Variants in DRG1 observed in about 807,000 individuals in gnomAD.
DRG1 encodes the protein developmentally-regulated GTP-binding protein 1.
A neutral mutation model predicts 38.8 loss-of-function variants in DRG1; 19 were observed. That is an observed-to-expected ratio of 0.49 (90% CI 0.34 to 0.72). DRG1 has a LOEUF of 0.72. Among genes scored for constraint, DRG1 ranks in the 30% least tolerant of loss-of-function variants. DRG1 has a pLI of 0.01. For synonymous variants in DRG1, 167 were observed against 157.5 expected (o/e 1.06, Z -0.45); for missense variants, 299 against 444.8 (o/e 0.67, Z 2.95).
intron 4 of DRG1, among the ~76,000 whole-genome samples, chr22:31,414,826 C>G (rs1164347372): frequency 6.7e-6 from 1 of 149,820 alleles, no homozygotes; most frequent in Non-Finnish European, 1.5e-5. Flanking sequence ...CTTGCCCAGG[C>G]TGGAGTACAG....
intron 2 of DRG1, among the ~76,000 whole-genome samples, chr22:31,401,315 G>T (rs2049959703): frequency 6.6e-6 from 1 of 151,934 alleles, no homozygotes; most frequent in African/African-American, 2.4e-5. Flanking sequence ...GGGTGCGGTG[G>T]CTCACGCCTG....
intron 4 of DRG1, among the ~76,000 whole-genome samples, chr22:31,418,500 A>G (rs532550656): frequency 1.1e-4 from 16 of 151,604 alleles, no homozygotes; most frequent in Non-Finnish European, 1.8e-4. Context: ...TAGAAAGTTG[A>G]TGGAAGCAGA....
rs1352969755 is a variant in DRG1, at chr22:31,434,062, C to T, written c.*91C>T. The T allele has an allele frequency of 1.6e-6, 2 of 1,269,180 alleles. No homozygotes were observed. Among genetic ancestry groups the T allele is most frequent in the Non-Finnish European group, 2.2e-6 (2 of 894,886 alleles). 78.6% of individuals were successfully genotyped at this position (1,269,180 alleles called of 1,614,324 possible). ...CCCAGTTCTTTCTGGTTTTGGCAGTCACTGGATCAGGATCCAGGGGAGGGA... is the reference window on the plus strand; with the variant it reads ...CCCAGTTCTTTCTGGTTTTGGCAGTTACTGGATCAGGATCCAGGGGAGGGA... On this transcript the variant is annotated 3_prime_UTR_variant, in exon 9 of 9. Transcript: ENST00000331457.
intron 6 of DRG1, among the ~76,000 whole-genome samples, chr22:31,423,820 T>C (rs2050092384): frequency 1.3e-5 from 2 of 150,288 alleles, no homozygotes; most frequent in Non-Finnish European, 3.0e-5. Context: ...AGCCACTGTG[T>C]CCAGCCTGTG....
intron 8 of DRG1, among the ~76,000 whole-genome samples, chr22:31,431,627 C>A (rs2050140022): frequency 6.6e-6 from 1 of 152,092 alleles, no homozygotes; most frequent in African/African-American, 2.4e-5. Context: ...ATGATCATGC[C>A]CCCTGTACTC....
chr22:31,406,019 T>G (rs1736711698), intron 3 of DRG1, among the ~76,000 whole-genome samples: 2 of 151,088 alleles, frequency 1.3e-5, no homozygotes, highest in Admixed American at 6.6e-5. Context: ...TTTTTTTTTT[T>G]TTTGAGACGA....
chr22:31,430,445 G>C (rs551966213), intron 8 of DRG1, among the ~76,000 whole-genome samples: 10 of 151,022 alleles, frequency 6.6e-5, no homozygotes, highest in Admixed American at 1.3e-4. Flanking sequence ...TGTCGCCCAG[G>C]CTAGAGTGCA....
chr22:31,399,758 C>T (rs1312116625), intron 1 of DRG1, 33 bp downstream of exon 1: 1 of 1,613,828 alleles, frequency 6.2e-7, no homozygotes, highest in East Asian at 2.2e-5. Flanking sequence ...CACTCTTAGT[C>T]TGAGCATTCC....
chr22:31,418,467 G>A (rs1291641809), intron 4 of DRG1, among the ~76,000 whole-genome samples: 1 of 151,774 alleles, frequency 6.6e-6, no homozygotes, highest in East Asian at 1.9e-4. Flanking sequence ...CTTCAAAAAA[G>A]AGAATTTTAA....
chr22:31,421,103 A>G (rs1270676641), intron 5 of DRG1, among the ~76,000 whole-genome samples: 8 of 151,988 alleles, frequency 5.3e-5, no homozygotes, highest in Admixed American at 5.3e-4. Flanking sequence ...TATTTTTAGT[A>G]GAGACGGGGT....
chr22:31,428,229 T>TTGA (rs1180565780), intron 8 of DRG1, among the ~76,000 whole-genome samples: 5 of 151,500 alleles, frequency 3.3e-5, no homozygotes, highest in East Asian at 2.0e-4. Context: ...TTTTTTTTTT[T>TTGA]GAGACGGAGT....
chr22:31,406,627 A>G (rs1038830585), intron 3 of DRG1, among the ~76,000 whole-genome samples: 1 of 151,688 alleles, frequency 6.6e-6, no homozygotes. Context: ...GTGAGCCGAG[A>G]TCGTGTTACT....
chr22:31,417,075 T>A (rs5753605), intron 4 of DRG1, among the ~76,000 whole-genome samples: 13,932 of 133,226 alleles, frequency 0.1, 982 homozygotes, highest in East Asian at 0.44. Flanking sequence ...AAAAAAAAAA[T>A]AATAATAATA....
Position 31,399,632 on chromosome 22 carries a change from C to T in DRG1, c.-52C>T, listed in dbSNP as rs765631156. 59 of 1,613,552 alleles carry T rather than the reference C, an allele frequency of 3.7e-5. No homozygotes were observed. Among genetic ancestry groups the T allele is most frequent in the Non-Finnish European group, 4.8e-5 (57 of 1,179,476 alleles). Reference sequence around the variant, plus strand: ...AGCGCCTGGTGGCGGTGGCAGTTTGCCCGCGGGTGTGTGAAGGGAGACAGT... The same window carrying T: ...AGCGCCTGGTGGCGGTGGCAGTTTGTCCGCGGGTGTGTGAAGGGAGACAGT... On this transcript the variant is annotated 5_prime_UTR_variant, in exon 1 of 9. Coordinates refer to ENST00000331457, the MANE Select transcript of DRG1 (RefSeq NM_004147.4).
chr22:31,405,628 G>C (rs1405199682), intron 3 of DRG1, among the ~76,000 whole-genome samples: 1 of 151,408 alleles, frequency 6.6e-6, no homozygotes, highest in East Asian at 2.0e-4. Flanking sequence ...TTATCCTTTT[G>C]AGTTCTTGCT....
intron 5 of DRG1, among the ~76,000 whole-genome samples, chr22:31,421,896 C>G (rs2050078929): frequency 6.6e-6 from 1 of 151,896 alleles, no homozygotes; most frequent in South Asian, 2.1e-4. Flanking sequence ...GTGGGCGGAT[C>G]ACAAGGTCAA....
In DRG1 at chr22:31,428,468, C is replaced by T. The variant is rs567192138; in HGVS notation, c.1004+1286C>T. Reference sequence around the variant, plus strand: ...GACCTTGTGATCTGCCCGCCTCGGCCTCCCAAAGTGCCGGGATTACAGGCG... The same window carrying T: ...GACCTTGTGATCTGCCCGCCTCGGCTTCCCAAAGTGCCGGGATTACAGGCG... On this transcript the variant is annotated intron_variant, in intron 8 of 8. Transcript: ENST00000331457. 3.9e-5 allele frequency among the ~76,000 whole-genome samples: 6 copies of T among 152,300 alleles called. No individual in the cohort carries two copies. The East Asian group carries it at 1.2e-3, about 29-fold the overall frequency.
chr22:31,415,856 C>A (rs972357226), intron 4 of DRG1, among the ~76,000 whole-genome samples: 3 of 152,016 alleles, frequency 2.0e-5, no homozygotes, highest in Non-Finnish European at 4.4e-5. Flanking sequence ...TCCCCAACAC[C>A]TTCTTTTTTT....
intron 3 of DRG1, among the ~76,000 whole-genome samples, chr22:31,403,424 T>G (rs1000091695): frequency 1.3e-5 from 2 of 151,632 alleles, no homozygotes; most frequent in Non-Finnish European, 2.9e-5. Context: ...TCCCAGCACT[T>G]TGGGAAGCCA....
Sources: allele counts gnomAD v4.1 joint callset (sites outside exome capture counted in the v4.1 genomes callset), GRCh38; gene constraint gnomAD v4.1.1; transcripts MANE v1.5; gene names NCBI Gene and HGNC (gene_info 2026-07-23, HGNC 2026-07-21).